Variants in GABRP observed in about 807,000 individuals in gnomAD.
GABRP encodes gamma-aminobutyric acid receptor subunit pi.
GABRP carries 52 observed loss-of-function variants against 47.8 expected under a neutral mutation model. That is an observed-to-expected ratio of 1.09 (90% confidence interval 0.87 to 1.37). GABRP has a LOEUF of 1.37. Ranked by LOEUF, GABRP falls within the 40% of genes most tolerant of loss-of-function variation. The probability of loss-of-function intolerance (pLI) is 0.00; values close to 1 mark genes in which losing one functional copy is unlikely to be tolerated. For synonymous variants in GABRP, 221 were observed against 205.8 expected, an observed-to-expected ratio of 1.07 and a Z score of -0.63; for missense variants, 525 against 542.8, an observed-to-expected ratio of 0.97 and a Z score of 0.33.
intron 6 of GABRP, among the ~76,000 whole-genome samples, chr5:170,802,527 G>A (rs1413792272): frequency 2.0e-5 from 3 of 152,154 alleles, no homozygotes; most frequent in Non-Finnish European, 4.4e-5. Flanking sequence ...GCTGTTTGGT[G>A]GCAGAATAAA....
intron 6 of GABRP, among the ~76,000 whole-genome samples, chr5:170,798,916 A>G (rs1252632355): frequency 6.6e-6 from 1 of 151,798 alleles, no homozygotes; most frequent in Non-Finnish European, 1.5e-5. Flanking sequence ...CATTTACATT[A>G]GGTATATCTC....
intron 1 of GABRP, among the ~76,000 whole-genome samples, chr5:170,786,677 A>C (rs1008378698): frequency 6.6e-6 from 1 of 152,074 alleles, no homozygotes; most frequent in African/African-American, 2.4e-5. Flanking sequence ...ATCCTCTCTA[A>C]TCCTCAGTAT....
rs188273943 is a variant in GABRP at position 170,812,059 on chromosome 5, G to A, written c.1124G>A (p.Ser375Asn). Residue 375 changes from serine to asparagine, a missense_variant, in exon 10 of 10, where the codon AGC becomes AAC. Coordinates refer to ENST00000265294, the MANE Select transcript of GABRP (RefSeq NM_014211.3). ...KISFASIEIS[S>N]DNVDYSDLTM... is the part of the protein sequence containing the mutation. ...AGCTTTGCCAGCATTGAAATTTCCA[G>A]CGACAACGTTGACTACAGTGACTTG... The A allele has an allele frequency of 7.6e-5, 122 of 1,614,136 alleles. No homozygotes were observed. In the East Asian group the frequency reaches 2.5e-3, roughly 32 times the overall value.
In GABRP at chr5:170,799,026, C is replaced by T. The variant is rs1343955610; in HGVS notation, c.541+1478C>T. On this transcript the variant is annotated intron_variant, in intron 6 of 9. Transcript: ENST00000265294. ...ATTCCCACCTATGAGTGAGAACATG[C>T]GGTGTTTGGTTTTTTGTCCTTGTGA... Among the ~76,000 whole-genome samples, 5 of 149,636 alleles carry T rather than the reference C, an allele frequency of 3.3e-5. No individual in the cohort carries two copies. The South Asian group carries it at 6.4e-4, about 19-fold the overall frequency.
chr5:170,800,167 G>C (rs1419547925), intron 6 of GABRP, among the ~76,000 whole-genome samples: 1 of 152,154 alleles, frequency 6.6e-6, no homozygotes, highest in Non-Finnish European at 1.5e-5. Context: ...GAACCAAAGA[G>C]AGCCCTCAGA....
At chr5:170,786,462 T>C (rs1177787062) in intron 1 of GABRP, among the ~76,000 whole-genome samples, 1 of 152,196 alleles carries the variant, frequency 6.6e-6, no homozygotes, top group Non-Finnish European at 1.5e-5. Flanking sequence ...GAAGATGTGT[T>C]CTAGAAATGT....
intron 7 of GABRP, among the ~76,000 whole-genome samples, chr5:170,806,793 C>G (rs1354692881): frequency 6.6e-6 from 1 of 151,998 alleles, no homozygotes; most frequent in Non-Finnish European, 1.5e-5. Context: ...TATGTCACAC[C>G]AAGATCATGG....
chr5:170,813,162 C>T lies in GABRP; in HGVS notation c.*904C>T, dbSNP rs150736663. The T allele has an allele frequency of 2.9e-3, 435 of 152,262 alleles. No homozygotes were observed. The highest frequency in any genetic ancestry group is 9.1e-3 in the African/African-American group (377 of 41,534). 9.4% of individuals were successfully genotyped at this position (152,262 alleles called of 1,614,324 possible). ...TCCATTTTCTAGCTGCCTTTATTCACATAGTGATGGGGTACTAAAAGTACT... is the reference window on the plus strand; with the variant it reads ...TCCATTTTCTAGCTGCCTTTATTCATATAGTGATGGGGTACTAAAAGTACT... On this transcript the variant is annotated 3_prime_UTR_variant, in exon 10 of 10. Coordinates refer to ENST00000265294, the MANE Select transcript of GABRP (RefSeq NM_014211.3).
intron 6 of GABRP, among the ~76,000 whole-genome samples, chr5:170,798,619 C>T (rs1765502279): frequency 6.6e-6 from 1 of 151,974 alleles, no homozygotes; most frequent in African/African-American, 2.4e-5. Context: ...GCCACCCACC[C>T]ACCCTTACTC....
chr5:170,794,133 C>A, intron 3 of GABRP, 98 bp from the exon 4 acceptor site: 1 of 732,468 alleles, frequency 1.4e-6, no homozygotes, highest in Non-Finnish European at 2.1e-6. Flanking sequence ...CAACCAAGCA[C>A]AACTTTTGTA....
At chr5:170,807,702 G>A (rs993813765) in intron 7 of GABRP, among the ~76,000 whole-genome samples, 9 of 151,910 alleles carry the variant, frequency 5.9e-5, no homozygotes, top group African/African-American at 9.7e-5. Context: ...GTAATCTCTA[G>A]GGTCTCACCA....
upstream of GABRP, among the ~76,000 whole-genome samples, chr5:170,783,185 C>T (rs960226935): frequency 6.6e-6 from 1 of 152,164 alleles, no homozygotes; most frequent in African/African-American, 2.4e-5. Flanking sequence ...TGCTCTTGGC[C>T]TCTATGAGTC....
intron 1 of GABRP, 159 bp from the exon 2 acceptor site, chr5:170,788,415 C>A: frequency 1.4e-5 from 7 of 503,672 alleles, no homozygotes; most frequent in South Asian, 1.1e-4. Flanking sequence ...CTGGAGGGAA[C>A]ACAGGGAGAA....
intron 9 of GABRP, among the ~76,000 whole-genome samples, 187 bp from the exon 10 acceptor site, chr5:170,811,769 T>A (rs1465604541): frequency 6.6e-6 from 1 of 152,200 alleles, no homozygotes; most frequent in Non-Finnish European, 1.5e-5. Flanking sequence ...TACAAATAGG[T>A]GTCTCCAAAC....
At position 170,804,251 on chromosome 5, in the gene GABRP, T is replaced by C. The variant is rs1765671310; in HGVS notation, c.542-1465T>C. 2.0e-5 allele frequency among the ~76,000 whole-genome samples: 3 copies of C among 152,036 alleles called. No homozygotes were observed. In the South Asian group the frequency reaches 6.2e-4, roughly 32 times the overall value. ...TGAGATAGATATATATATCAAATTTTATTTATTGATTCATCAGTTGATGAA... is the reference window on the plus strand; with the variant it reads ...TGAGATAGATATATATATCAAATTTCATTTATTGATTCATCAGTTGATGAA... On this transcript the variant is annotated intron_variant, in intron 6 of 9. Transcript: ENST00000265294.
intron 7 of GABRP, among the ~76,000 whole-genome samples, chr5:170,807,365 C>T (rs551505199): frequency 6.6e-6 from 1 of 152,298 alleles, no homozygotes; most frequent in African/African-American, 2.4e-5. Flanking sequence ...TTTACCAAAT[C>T]TGGATTCCCA....
intron 6 of GABRP, among the ~76,000 whole-genome samples, chr5:170,798,330 C>T (rs1165262485): frequency 6.6e-6 from 1 of 152,112 alleles, no homozygotes; most frequent in Non-Finnish European, 1.5e-5. Context: ...CGTGAGCCAC[C>T]GTGCCTGGCC....
chr5:170,805,817 T>C lies in GABRP; in HGVS notation c.643T>C (p.Tyr215His), dbSNP rs770623496. The C allele has an allele frequency of 6.2e-7, 1 of 1,614,168 alleles. No individual in the cohort carries two copies. Among genetic ancestry groups the C allele is most frequent in the Non-Finnish European group, 8.5e-7 (1 of 1,180,014 alleles). ...GCTTGCTCAGTACACCATAGAGCGG[T>C]ATTTCACCTTAGTCACCAGATCGCA... ...LRLAQYTIER[Y>H]FTLVTRSQQE... Residue 215 changes from tyrosine to histidine, a missense_variant, in exon 7 of 10, where the codon TAT (tyrosine) becomes CAT (histidine). Physicochemically the swap from Tyr to His is moderately conservative, Grantham distance 83. Transcript: ENST00000265294.
chr5:170,801,649 G>T (rs944055621), intron 6 of GABRP, among the ~76,000 whole-genome samples: 1 of 152,160 alleles, frequency 6.6e-6, no homozygotes, highest in East Asian at 1.9e-4. Flanking sequence ...TGGATGGCTG[G>T]TTGGGTTCCA....
Sources: gnomAD v4.1 joint callset for allele counts (sites outside exome capture counted in the v4.1 genomes callset) on GRCh38, gnomAD v4.1.1 for gene constraint, MANE v1.5 for transcripts, NCBI Gene and HGNC (gene_info 2026-07-23, HGNC 2026-07-21) for gene names.